The following MSRB3 variants were observed in gnomAD, a reference collection of about 807,000 sequenced individuals.
MSRB3 encodes the protein methionine-R-sulfoxide reductase B3.
Under a neutral mutation model 21.0 loss-of-function variants are expected in MSRB3, and 13 were observed. That is an observed-to-expected ratio of 0.62 (90% CI 0.40 to 0.98). The LOEUF (loss-of-function observed/expected upper bound fraction) is 0.98, where lower values mean the gene tolerates loss of function less well. MSRB3 is among the 50% of genes least tolerant of loss of function. MSRB3 has a pLI of 0.00. For synonymous variants in MSRB3, 87 were observed against 88.6 expected, an observed-to-expected ratio of 0.98 and a Z score of 0.10; for missense variants, 199 against 230.3, an observed-to-expected ratio of 0.86 and a Z score of 0.88.
intron 4 of MSRB3, among the ~76,000 whole-genome samples, chr12:65,361,629 ACTT>A (rs1287734697): frequency 1.3e-5 from 2 of 152,072 alleles, no homozygotes; most frequent in Non-Finnish European, 2.9e-5. Context: ...ATGAATTTAG[ACTT>A]CTTCTTGGAA....
intron 5 of MSRB3, among the ~76,000 whole-genome samples, chr12:65,385,172 G>A (rs575614722): frequency 4.6e-5 from 7 of 152,200 alleles, no homozygotes; most frequent in South Asian, 2.1e-4. Flanking sequence ...GCCTGTCTCC[G>A]AAAGGATAGC....
intron 6 of MSRB3, among the ~76,000 whole-genome samples, chr12:65,457,295 C>G (rs984590100): frequency 1.3e-5 from 2 of 151,966 alleles, no homozygotes; most frequent in Non-Finnish European, 2.9e-5. Flanking sequence ...TAGGTATACA[C>G]GTGCCATGGT....
chr12:65,362,860 A>T lies in MSRB3; in HGVS notation c.264-6138A>T, dbSNP rs1877791757. Among the ~76,000 whole-genome samples the T allele has an allele frequency of 2.0e-5, 3 of 152,160 alleles. No individual in the cohort carries two copies. In the South Asian group the frequency reaches 6.2e-4, roughly 32 times the overall value. ...CACATAAATATTCACTGCTGTTCTCACTAGTCACTGGTCGGTGAAGGCCTT... is the reference window on the plus strand; with the variant it reads ...CACATAAATATTCACTGCTGTTCTCTCTAGTCACTGGTCGGTGAAGGCCTT... On this transcript the variant is annotated intron_variant, in intron 4 of 6. Transcript: ENST00000308259.
intron 5 of MSRB3, among the ~76,000 whole-genome samples, chr12:65,420,329 C>T (rs897547195): frequency 7.1e-6 from 1 of 141,444 alleles, no homozygotes; most frequent in African/African-American, 2.5e-5. Context: ...AATGTGATGC[C>T]TTCAGCTATT....
At chr12:65,314,611 T>C (rs1874178770) in intron 2 of MSRB3, among the ~76,000 whole-genome samples, 2 of 152,118 alleles carry the variant, frequency 1.3e-5, no homozygotes, top group Admixed American at 1.3e-4. Context: ...ACAATAAGAC[T>C]GTATGAATAA....
intron 5 of MSRB3, among the ~76,000 whole-genome samples, chr12:65,445,059 C>T (rs911483723): frequency 6.6e-6 from 1 of 152,098 alleles, no homozygotes; most frequent in Non-Finnish European, 1.5e-5. Context: ...CCACAAGAAA[C>T]TGATTTTGTT....
At chr12:65,279,734 G>T (rs953059481) in intron 1 of MSRB3, among the ~76,000 whole-genome samples, 5 of 152,088 alleles carry the variant, frequency 3.3e-5, no homozygotes, top group Non-Finnish European at 5.9e-5. Context: ...CTGTTGGGGG[G>T]AATTTAATAT....
chr12:65,327,194 AC>A (rs1464623513), intron 3 of MSRB3, among the ~76,000 whole-genome samples: 4 of 152,250 alleles, frequency 2.6e-5, no homozygotes, highest in Admixed American at 1.3e-4. Flanking sequence ...TTAGTTTACT[AC>A]AAAATGTGTG....
chr12:65,349,259 T>C lies in MSRB3; in HGVS notation c.264-19739T>C, dbSNP rs1480733163. On this transcript the variant is annotated intron_variant, in intron 4 of 6. Coordinates refer to ENST00000308259, the MANE Select transcript of MSRB3 (RefSeq NM_001031679.3). ...GAACTCATCATTTTTTATGGCTGCA[T>C]AGTATTCCATGGTGTATATGTGCCA... is the stretch of plus-strand genomic sequence containing the variant. 5.3e-5 allele frequency among the ~76,000 whole-genome samples: 8 copies of C among 152,224 alleles called. No individual in the cohort carries two copies. In the East Asian group the frequency reaches 1.4e-3, roughly 26 times the overall value.
At chr12:65,314,829 T>G (rs987715642) in intron 2 of MSRB3, among the ~76,000 whole-genome samples, 19 of 152,174 alleles carry the variant, frequency 1.2e-4, no homozygotes, top group Non-Finnish European at 2.6e-4. Context: ...AAACATAAAT[T>G]CTGAAAACAA....
At chr12:65,301,916 A>G (rs1873356787) in intron 1 of MSRB3, among the ~76,000 whole-genome samples, 1 of 152,136 alleles carries the variant, frequency 6.6e-6, no homozygotes, top group African/African-American at 2.4e-5. Flanking sequence ...AAGCTAGATA[A>G]TAAAAAGAGA....
At chr12:65,438,658 G>A (rs373511188) in intron 5 of MSRB3, among the ~76,000 whole-genome samples, 65 of 152,000 alleles carry the variant, frequency 4.3e-4, no homozygotes, top group African/African-American at 1.3e-3. Context: ...GGAAGGCAGA[G>A]TGGAGGAAAA....
chr12:65,327,741 C>G (rs557949530), intron 3 of MSRB3, among the ~76,000 whole-genome samples: 1 of 152,332 alleles, frequency 6.6e-6, no homozygotes, highest in East Asian at 1.9e-4. Context: ...AGGCAACACT[C>G]TCTTCCTGTC....
Position 65,450,869 on chromosome 12 carries a change from G to A in MSRB3, c.293-2859G>A, listed in dbSNP as rs188893263. Among the ~76,000 whole-genome samples, 3 of 152,300 alleles carry A rather than the reference G, an allele frequency of 2.0e-5. No homozygotes were observed. The East Asian group carries it at 5.8e-4, about 29-fold the overall frequency. On this transcript the variant is annotated intron_variant, in intron 5 of 6. Coordinates refer to ENST00000308259, the MANE Select transcript of MSRB3 (RefSeq NM_001031679.3). ...CCTTCTTTAAATACTTTCACATGAT[G>A]AGGGAATTCCGCTTTCAAAGTGCTG...
chr12:65,297,385 T>C (rs1873038456), intron 1 of MSRB3, among the ~76,000 whole-genome samples: 2 of 152,182 alleles, frequency 1.3e-5, no homozygotes, highest in South Asian at 4.2e-4. Context: ...AAAATAAAAA[T>C]AAAAATTAAA....
chr12:65,423,673 C>A (rs754328374), intron 5 of MSRB3, among the ~76,000 whole-genome samples: 1 of 152,106 alleles, frequency 6.6e-6, no homozygotes. Context: ...GAACCATCCT[C>A]GCACCTCAAA....
At chr12:65,416,439 G>C (rs893006380) in intron 5 of MSRB3, among the ~76,000 whole-genome samples, 1 of 152,184 alleles carries the variant, frequency 6.6e-6, no homozygotes, top group African/African-American at 2.4e-5. Flanking sequence ...ATGGGAGTAC[G>C]TCTGAAGAAG....
intron 5 of MSRB3, among the ~76,000 whole-genome samples, chr12:65,376,674 C>T (rs532558718): frequency 2.0e-5 from 3 of 151,806 alleles, no homozygotes; most frequent in Non-Finnish European, 4.4e-5. Context: ...ACACAGGGGC[C>T]CGTCAGGGGG....
At chr12:65,394,053 A>G (rs777274436) in intron 5 of MSRB3, among the ~76,000 whole-genome samples, 63 of 152,274 alleles carry the variant, frequency 4.1e-4, no homozygotes, top group Non-Finnish European at 6.3e-4. Context: ...AGACTGGTGG[A>G]AAGATTATCT....
Sources: gnomAD v4.1 joint callset for allele counts (sites outside exome capture counted in the v4.1 genomes callset) on GRCh38, gnomAD v4.1.1 for gene constraint, MANE v1.5 for transcripts, NCBI Gene and HGNC (gene_info 2026-07-23, HGNC 2026-07-21) for gene names.